KCNMB2: variants seen among roughly 807,000 people sequenced by gnomAD.
KCNMB2 encodes potassium calcium-activated channel subfamily M regulatory beta subunit 2.
Under a neutral mutation model 24.5 loss-of-function variants are expected in KCNMB2, and 9 were observed. The observed-to-expected ratio is 0.37, with a 90% CI of 0.22 to 0.64. KCNMB2 has a LOEUF of 0.64. Ranked by LOEUF, KCNMB2 falls within the 30% of genes least tolerant of loss-of-function variation. The pLI, the probability that KCNMB2 is intolerant of heterozygous loss-of-function variation, is 0.63. For missense variants in KCNMB2, 226 were observed against 284.3 expected, an observed-to-expected ratio of 0.79 and a Z score of 1.47; for synonymous variants, 109 against 104.4, an observed-to-expected ratio of 1.04 and a Z score of -0.27.
At chr3:178,617,463 C>A (rs1173952616) in intron 1 of KCNMB2, among the ~76,000 whole-genome samples, 3 of 151,836 alleles carry the variant, frequency 2.0e-5, no homozygotes, top group African/African-American at 4.8e-5. Flanking sequence ...GAGGCTGAGG[C>A]AGGAGAATCG....
chr3:178,597,979 C>T (rs1303994961), intron 1 of KCNMB2, among the ~76,000 whole-genome samples: 12 of 151,472 alleles, frequency 7.9e-5, no homozygotes, highest in Admixed American at 7.9e-4. Context: ...TTAATAAGAA[C>T]TCAGATTTTT....
chr3:178,674,235 C>T (rs1441728675), intron 1 of KCNMB2, among the ~76,000 whole-genome samples: 1 of 152,040 alleles, frequency 6.6e-6, no homozygotes, highest in Non-Finnish European at 1.5e-5. Context: ...TTATCTAGTG[C>T]CATGGCTCTA....
chr3:178,726,903 A>G (rs1722983942), intron 1 of KCNMB2, among the ~76,000 whole-genome samples: 1 of 152,050 alleles, frequency 6.6e-6, no homozygotes, highest in African/African-American at 2.4e-5. Context: ...TGTCTCTTTC[A>G]TTACAGTTTC....
At chr3:178,769,386 C>T (rs1483910104) in intron 1 of KCNMB2, among the ~76,000 whole-genome samples, 1 of 152,160 alleles carries the variant, frequency 6.6e-6, no homozygotes, top group Non-Finnish European at 1.5e-5. Flanking sequence ...ACCAGCAACC[C>T]TCTGCTGGGG....
chr3:178,564,162 C>G lies in KCNMB2; in HGVS notation c.-68+27451C>G, dbSNP rs141458745. On this transcript the variant is annotated intron_variant, in intron 1 of 4. Coordinates refer to ENST00000452583, the MANE Select transcript of KCNMB2 (RefSeq NM_181361.3). ...GTGTGGTGGCATGCACCTATCATCC[C>G]AGCTACTCAAGAGGCTGAGGCAGGA... Among the ~76,000 whole-genome samples the G allele has an allele frequency of 4.4e-3, 671 of 152,078 alleles. 4 individuals are homozygous for G. Among genetic ancestry groups the G allele is most frequent in the African/African-American group, 0.015 (640 of 41,482 alleles).
chr3:178,745,011 T>C (rs1211099771), intron 1 of KCNMB2, among the ~76,000 whole-genome samples: 2 of 152,234 alleles, frequency 1.3e-5, no homozygotes, highest in African/African-American at 2.4e-5. Flanking sequence ...TAAACCTGTA[T>C]GTGCCTCAGT....
intron 1 of KCNMB2, among the ~76,000 whole-genome samples, chr3:178,759,587 A>G (rs1420392380): frequency 7.6e-6 from 1 of 131,288 alleles, no homozygotes; most frequent in Non-Finnish European, 1.6e-5. Context: ...ATATATATAC[A>G]TATATCTCTC....
At chr3:178,663,507 A>G (rs911112937) in intron 1 of KCNMB2, among the ~76,000 whole-genome samples, 1 of 152,154 alleles carries the variant, frequency 6.6e-6, no homozygotes, top group Non-Finnish European at 1.5e-5. Context: ...CAGCAAAGAT[A>G]TTCCTAATCT....
chr3:178,671,181 A>G (rs1425896257), intron 1 of KCNMB2, among the ~76,000 whole-genome samples: 1 of 151,150 alleles, frequency 6.6e-6, no homozygotes, highest in Admixed American at 6.6e-5. Flanking sequence ...TTGAACCTGC[A>G]GAGATCTAAA....
At chr3:178,768,689 G>C (rs1712223183) in intron 1 of KCNMB2, among the ~76,000 whole-genome samples, 1 of 152,088 alleles carries the variant, frequency 6.6e-6, no homozygotes, top group African/African-American at 2.4e-5. Context: ...CCCTAAAGGA[G>C]CTCTGCCCAT....
intron 1 of KCNMB2, among the ~76,000 whole-genome samples, chr3:178,767,818 G>A (rs1228756812): frequency 6.6e-6 from 1 of 152,166 alleles, no homozygotes; most frequent in African/African-American, 2.4e-5. Flanking sequence ...GACATCTACA[G>A]CCCAAGGCTG....
At chr3:178,719,991 A>T (rs1286142855) in intron 1 of KCNMB2, among the ~76,000 whole-genome samples, 3 of 151,424 alleles carry the variant, frequency 2.0e-5, no homozygotes, top group East Asian at 1.9e-4. Context: ...GTTTTTTTTT[A>T]AATTATACTT....
chr3:178,630,554 A>G (rs1263124501), intron 1 of KCNMB2, among the ~76,000 whole-genome samples: 1 of 152,218 alleles, frequency 6.6e-6, no homozygotes, highest in African/African-American at 2.4e-5. Flanking sequence ...GGAATATTAC[A>G]AATTCTTTCT....
chr3:178,630,553 C>T (rs916759513), intron 1 of KCNMB2, among the ~76,000 whole-genome samples: 16 of 152,220 alleles, frequency 1.1e-4, no homozygotes, highest in African/African-American at 3.9e-4. Flanking sequence ...TGGAATATTA[C>T]AAATTCTTTC....
intron 1 of KCNMB2, among the ~76,000 whole-genome samples, chr3:178,580,419 A>G (rs1290916764): frequency 6.6e-6 from 1 of 152,236 alleles, no homozygotes; most frequent in East Asian, 1.9e-4. Context: ...ATCATACTGA[A>G]TGGGCAAAAG....
chr3:178,615,911 T>C (rs911737709), intron 1 of KCNMB2, among the ~76,000 whole-genome samples: 4 of 152,128 alleles, frequency 2.6e-5, no homozygotes, highest in African/African-American at 9.7e-5. Flanking sequence ...ACTGGTTCCT[T>C]TCCTTCAAGG....
At chr3:178,823,115 G>T (rs573246448) in intron 2 of KCNMB2, among the ~76,000 whole-genome samples, 1 of 152,330 alleles carries the variant, frequency 6.6e-6, no homozygotes, top group African/African-American at 2.4e-5. Flanking sequence ...GCTGCTAACG[G>T]ACACTGATTT....
At chr3:178,826,530 G>A (rs1714840691) in intron 3 of KCNMB2, among the ~76,000 whole-genome samples, 1 of 152,188 alleles carries the variant, frequency 6.6e-6, no homozygotes, top group Non-Finnish European at 1.5e-5. Flanking sequence ...AGTAAGCCAT[G>A]TAGTAAATCC....
chr3:178,751,866 T>A (rs1723863108), intron 1 of KCNMB2, among the ~76,000 whole-genome samples: 1 of 152,220 alleles, frequency 6.6e-6, no homozygotes, highest in South Asian at 2.1e-4. Flanking sequence ...TCCTAATATA[T>A]CCAGTGCTTT....
Sources: allele counts gnomAD v4.1 joint callset (sites outside exome capture counted in the v4.1 genomes callset), GRCh38; gene constraint gnomAD v4.1.1; transcripts MANE v1.5; gene names NCBI Gene and HGNC (gene_info 2026-07-23, HGNC 2026-07-21).